The following ATXN1 variants were observed in gnomAD, a reference collection of about 807,000 sequenced individuals.
ATXN1 encodes the protein ataxin-1.
Under a neutral mutation model 56.4 loss-of-function variants are expected in ATXN1, and 8 were observed. The observed-to-expected ratio is 0.14, with a 90% CI of 0.08 to 0.26. The LOEUF (loss-of-function observed/expected upper bound fraction) is 0.26, where lower values mean the gene tolerates loss of function less well. Among genes scored for constraint, ATXN1 ranks in the 10% least tolerant of loss-of-function variants. The pLI, the probability that ATXN1 is intolerant of heterozygous loss-of-function variation, is 1.00. For missense variants in ATXN1, 987 were observed against 1,106.5 expected (o/e 0.89, Z 1.53); for synonymous variants, 514 against 494.6 (o/e 1.04, Z -0.52).
intron 4 of ATXN1, among the ~76,000 whole-genome samples, chr6:16,562,451 A>AAAAGGAAAGGACACG: frequency 1.1e-5 from 1 of 90,568 alleles, no homozygotes; most frequent in Non-Finnish European, 2.2e-5. Context: ...GAAAAGAAAG[A>AAAAGGAAAGGACACG]AAAGGAGAGG....
intron 3 of ATXN1, chr6:16,653,130 T>C (rs1758102341): frequency 6.6e-6 from 1 of 152,244 alleles, no homozygotes; most frequent in South Asian, 2.1e-4. Flanking sequence ...TAAGCTTCTG[T>C]GAGTTCTTCT....
chr6:16,709,266 TAAG>T lies in ATXN1; in HGVS notation c.-615+43964_-615+43966del, dbSNP rs779853811. On this transcript the variant is annotated intron_variant, in intron 2 of 7. Transcript: ENST00000436367. ...ATAAATCCTACAGACACTAAATAGA[TAAG>T]AAGAAAGTATTACTAAAAACTTTAT... 2.1e-3 allele frequency among the ~76,000 whole-genome samples: 324 copies of T among 152,148 alleles called. 2 individuals carry two copies. Among genetic ancestry groups the T allele is most frequent in the Non-Finnish European group, 3.7e-3 (249 of 67,986 alleles).
intron 3 of ATXN1, among the ~76,000 whole-genome samples, chr6:16,635,871 CG>C (rs1763587143): frequency 1.8e-5 from 1 of 54,162 alleles, no homozygotes; most frequent in Admixed American, 2.7e-4. Context: ...AAACACAAAG[CG>C]ACGACGCCCA....
At chr6:16,553,755 T>C (rs1225867304) in intron 4 of ATXN1, among the ~76,000 whole-genome samples, 1 of 152,186 alleles carries the variant, frequency 6.6e-6, no homozygotes, top group East Asian at 1.9e-4. Context: ...GCCACAGCTA[T>C]TGCCTGGGAC....
intron 6 of ATXN1, among the ~76,000 whole-genome samples, chr6:16,376,786 A>G (rs1762148649): frequency 6.6e-6 from 1 of 152,182 alleles, no homozygotes; most frequent in African/African-American, 2.4e-5. Flanking sequence ...TTTTAAACCT[A>G]ATGTTGATAC....
rs916379573 is a variant in ATXN1 at position 16,370,770 on chromosome 6, G to A, written c.-160-42300C>T. ...TTCACTTAACATTGTATTGTAACTAGAATTATAAACTAGTTTTTTAAAGCT... is the reference window on the plus strand; with the variant it reads ...TTCACTTAACATTGTATTGTAACTAAAATTATAAACTAGTTTTTTAAAGCT... On this transcript the variant is annotated intron_variant, in intron 6 of 7. Coordinates refer to ENST00000436367, the MANE Select transcript of ATXN1 (RefSeq NM_001128164.2). Among the ~76,000 whole-genome samples the A allele has an allele frequency of 2.0e-5, 3 of 152,062 alleles. No individual in the cohort carries two copies. The East Asian group carries it at 5.8e-4, about 29-fold the overall frequency.
chr6:16,486,235 T>C (rs901033702), intron 5 of ATXN1, 126 bp from the exon 6 acceptor site: 16 of 152,170 alleles, frequency 1.1e-4, no homozygotes, highest in African/African-American at 3.9e-4. Context: ...ACCATTTTCT[T>C]AAAAAAGAAG....
chr6:16,646,055 CA>C (rs1030158919), intron 3 of ATXN1, among the ~76,000 whole-genome samples: 33 of 148,130 alleles, frequency 2.2e-4, no homozygotes, highest in African/African-American at 6.7e-4. Context: ...TCCATCTCTA[CA>C]AAAAAAAAAT....
chr6:16,366,267 T>C (rs1761916801), intron 6 of ATXN1, among the ~76,000 whole-genome samples: 1 of 152,182 alleles, frequency 6.6e-6, no homozygotes. Context: ...GGAGGTCAGC[T>C]AGATGCTGGC....
At chr6:16,523,832 C>T (rs1185238437) in intron 4 of ATXN1, among the ~76,000 whole-genome samples, 1 of 152,094 alleles carries the variant, frequency 6.6e-6, no homozygotes, top group Admixed American at 6.5e-5. Flanking sequence ...ACAGAGGAAG[C>T]CTGAAAGAAA....
intron 6 of ATXN1, among the ~76,000 whole-genome samples, chr6:16,334,936 C>G (rs556321738): frequency 6.6e-6 from 1 of 152,124 alleles, no homozygotes; most frequent in Non-Finnish European, 1.5e-5. Context: ...ACAGAAAAAG[C>G]TGCAGCATTA....
At chr6:16,455,855 C>T (rs930894347) in intron 6 of ATXN1, among the ~76,000 whole-genome samples, 3 of 152,140 alleles carry the variant, frequency 2.0e-5, no homozygotes, top group African/African-American at 7.2e-5. Flanking sequence ...TTGTAAAGCG[C>T]ACCAATCAGC....
At chr6:16,645,053 T>C (rs1012403174) in intron 3 of ATXN1, among the ~76,000 whole-genome samples, 1 of 152,212 alleles carries the variant, frequency 6.6e-6, no homozygotes, top group Non-Finnish European at 1.5e-5. Context: ...GAAATTGAAC[T>C]TTCCCCTTTC....
intron 3 of ATXN1, among the ~76,000 whole-genome samples, chr6:16,633,927 AG>A (rs1368197426): frequency 6.6e-6 from 1 of 152,216 alleles, no homozygotes; most frequent in Non-Finnish European, 1.5e-5. Context: ...AGATGTTACA[AG>A]GTGTCGGCCT....
intron 2 of ATXN1, among the ~76,000 whole-genome samples, chr6:16,681,519 GAAAAAGGATCCGCCATC>G (rs1438382495): frequency 6.6e-6 from 1 of 152,234 alleles, no homozygotes; most frequent in African/African-American, 2.4e-5. Flanking sequence ...TCATGCATAT[GAAAAAGGATCCGCCATC>G]AATGAGCAAT....
At chr6:16,363,003 C>T (rs1026880337) in intron 6 of ATXN1, among the ~76,000 whole-genome samples, 5 of 152,178 alleles carry the variant, frequency 3.3e-5, no homozygotes, top group Admixed American at 1.3e-4. Context: ...AAATATACAG[C>T]GATATAATCT....
chr6:16,628,882 T>C (rs1365219375), intron 3 of ATXN1, among the ~76,000 whole-genome samples: 1 of 152,196 alleles, frequency 6.6e-6, no homozygotes, highest in Non-Finnish European at 1.5e-5. Context: ...GGCATTTAGG[T>C]TGATTCTGTG....
intron 4 of ATXN1, among the ~76,000 whole-genome samples, chr6:16,548,650 G>A (rs1051774146): frequency 5.3e-5 from 8 of 151,886 alleles, no homozygotes; most frequent in Non-Finnish European, 8.8e-5. Flanking sequence ...TAAGGCAGGA[G>A]CAGTGGTGCA....
intron 7 of ATXN1, among the ~76,000 whole-genome samples, chr6:16,307,545 G>A (rs1485731280): frequency 2.0e-5 from 3 of 151,898 alleles, no homozygotes; most frequent in Admixed American, 2.0e-4. Context: ...GTGGTGGCGG[G>A]CACCTGTAAT....
Sources: gnomAD v4.1 joint callset for allele counts (sites outside exome capture counted in the v4.1 genomes callset) on GRCh38, gnomAD v4.1.1 for gene constraint, MANE v1.5 for transcripts, NCBI Gene and HGNC (gene_info 2026-07-23, HGNC 2026-07-21) for gene names.